The following TMEM132C variants were observed in gnomAD, a reference collection of about 807,000 sequenced individuals.
TMEM132C encodes the protein protein phosphatase 1, regulatory subunit 152.
Under a neutral mutation model 61.4 loss-of-function variants are expected in TMEM132C, and 29 were observed. The ratio of observed to expected loss-of-function variants is 0.47; its 90% CI spans 0.35 to 0.64. The LOEUF (loss-of-function observed/expected upper bound fraction) is 0.64. Ranked by LOEUF, TMEM132C falls within the 30% of genes least tolerant of loss-of-function variation. The pLI, the probability that TMEM132C is intolerant of heterozygous loss-of-function variation, is 0.00. For synonymous variants in TMEM132C, 656 were observed against 633.1 expected, an observed-to-expected ratio of 1.04 and a Z score of -0.54; for missense variants, 1,408 against 1,476.9, an observed-to-expected ratio of 0.95 and a Z score of 0.76.
chr12:128,528,559 G>C (rs1247672301), intron 2 of TMEM132C, among the ~76,000 whole-genome samples: 1 of 152,134 alleles, frequency 6.6e-6, no homozygotes, highest in East Asian at 1.9e-4. Context: ...CCTTGGAACA[G>C]AGTTTCTCAA....
At chr12:128,597,594 T>C (rs932620412) in intron 3 of TMEM132C, among the ~76,000 whole-genome samples, 1 of 152,220 alleles carries the variant, frequency 6.6e-6, no homozygotes, top group African/African-American at 2.4e-5. Flanking sequence ...TATTAACTAA[T>C]ATAGATGTGT....
chr12:128,696,063 G>A lies in TMEM132C; in HGVS notation c.1889G>A (p.Arg630Gln), dbSNP rs575727630. ...CACGTGGCCACCCTCCAGGACAGCCGGGTCCTGGTTGGGCGAGAGGTTGGG... is the reference window on the plus strand; with the variant it reads ...CACGTGGCCACCCTCCAGGACAGCCAGGTCCTGGTTGGGCGAGAGGTTGGG... ...EPHVATLQDS[R>Q]VLVGREVGMT... Residue 630 changes from arginine to glutamine, a missense_variant, in exon 7 of 9, where the codon CGG becomes CAG. Coordinates refer to ENST00000435159, the MANE Select transcript of TMEM132C (RefSeq NM_001136103.3). The A allele has an allele frequency of 1.1e-4, 176 of 1,551,696 alleles. 1 individual carries two copies. The East Asian group carries it at 3.2e-3, about 28-fold the overall frequency.
intron 2 of TMEM132C, among the ~76,000 whole-genome samples, chr12:128,500,125 C>T (rs1872110111): frequency 6.6e-6 from 1 of 152,156 alleles, no homozygotes; most frequent in Admixed American, 6.6e-5. Flanking sequence ...GACTTTTCAA[C>T]AGGTGGTCCT....
chr12:128,685,220 C>T (rs1954664635), intron 5 of TMEM132C, among the ~76,000 whole-genome samples: 2 of 152,172 alleles, frequency 1.3e-5, no homozygotes, highest in South Asian at 4.1e-4. Flanking sequence ...AGAGGGGAAG[C>T]CATGTAAAAG....
intron 1 of TMEM132C, among the ~76,000 whole-genome samples, chr12:128,348,442 C>G (rs191144614): frequency 6.6e-6 from 1 of 152,268 alleles, no homozygotes; most frequent in East Asian, 1.9e-4. Flanking sequence ...CCTAAATGCC[C>G]TAACTAGAAA....
At chr12:128,469,734 G>A (rs527853139) in intron 2 of TMEM132C, among the ~76,000 whole-genome samples, 5 of 150,486 alleles carry the variant, frequency 3.3e-5, no homozygotes, top group Non-Finnish European at 5.9e-5. Flanking sequence ...ATATATATAT[G>A]CATTTATGTG....
At chr12:128,309,618 A>C (rs1196639018) in intron 1 of TMEM132C, among the ~76,000 whole-genome samples, 1 of 151,644 alleles carries the variant, frequency 6.6e-6, no homozygotes, top group African/African-American at 2.4e-5. Context: ...AATTCACATA[A>C]ATGGAATCCT....
chr12:128,324,628 G>A lies in TMEM132C; in HGVS notation c.85+57141G>A, dbSNP rs188620949. Among the ~76,000 whole-genome samples, 3 of 152,304 alleles carry A rather than the reference G, an allele frequency of 2.0e-5. No homozygotes were observed. In the East Asian group the frequency reaches 5.8e-4, roughly 29 times the overall value. ...TAATCCCAGCACCTTGGGAGGCCGAGGCGGGACGATCACCTGAGCTCAGAA... is the reference window on the plus strand; with the variant it reads ...TAATCCCAGCACCTTGGGAGGCCGAAGCGGGACGATCACCTGAGCTCAGAA... On this transcript the variant is annotated intron_variant, in intron 1 of 8. Coordinates refer to ENST00000435159, the MANE Select transcript of TMEM132C (RefSeq NM_001136103.3).
intron 1 of TMEM132C, among the ~76,000 whole-genome samples, chr12:128,312,015 A>C (rs900664390): frequency 1.3e-5 from 2 of 152,180 alleles, no homozygotes; most frequent in African/African-American, 4.8e-5. Flanking sequence ...GGGACCCCGG[A>C]GCGGGGCTGA....
intron 5 of TMEM132C, among the ~76,000 whole-genome samples, chr12:128,673,022 G>A (rs1018160119): frequency 1.1e-4 from 17 of 152,282 alleles, no homozygotes; most frequent in Middle Eastern, 6.8e-3. Flanking sequence ...AGTTCCCACT[G>A]GCTTATGCAG....
intron 2 of TMEM132C, among the ~76,000 whole-genome samples, chr12:128,490,619 G>A (rs1343281530): frequency 1.3e-5 from 2 of 152,212 alleles, no homozygotes; most frequent in East Asian, 1.9e-4. Context: ...TTGTGGTTGT[G>A]TTAGTGTTGG....
At chr12:128,699,644 T>A (rs12812826) in intron 8 of TMEM132C, among the ~76,000 whole-genome samples, 66,319 of 152,016 alleles carry the variant, frequency 0.44, 15,286 homozygotes, top group African/African-American at 0.59. Flanking sequence ...TTTTAAGGAC[T>A]CATGTGATTT....
chr12:128,393,222 G>A (rs1053811532), intron 1 of TMEM132C, among the ~76,000 whole-genome samples: 1 of 152,116 alleles, frequency 6.6e-6, no homozygotes, highest in Admixed American at 6.5e-5. Flanking sequence ...TCCTGAAATT[G>A]CCCCCCTTGC....
At chr12:128,317,541 A>G (rs1364786583) in intron 1 of TMEM132C, among the ~76,000 whole-genome samples, 2 of 151,846 alleles carry the variant, frequency 1.3e-5, no homozygotes, top group Non-Finnish European at 2.9e-5. Context: ...CTTTTACATA[A>G]TTCCCTTAGG....
chr12:128,301,034 C>T (rs997510557), intron 1 of TMEM132C, among the ~76,000 whole-genome samples: 1 of 152,148 alleles, frequency 6.6e-6, no homozygotes, highest in Non-Finnish European at 1.5e-5. Flanking sequence ...GAGCAAGCCC[C>T]TGTCTCAAAC....
intron 1 of TMEM132C, among the ~76,000 whole-genome samples, chr12:128,311,594 C>T (rs1251514173): frequency 6.6e-6 from 1 of 152,216 alleles, no homozygotes; most frequent in Admixed American, 6.5e-5. Context: ...CAGAGGTGCG[C>T]TTAGCTCACC....
In TMEM132C at chr12:128,416,505, T is replaced by C. The variant is rs73438701; in HGVS notation, c.974+885T>C. ...TAGTTAAGAAGGAGTTAGGTTGTAA[T>C]TGCAGCTATGCTTTGGCTCTTGTTA... On this transcript the variant is annotated intron_variant, in intron 2 of 8. Coordinates refer to ENST00000435159, the MANE Select transcript of TMEM132C (RefSeq NM_001136103.3). Among the ~76,000 whole-genome samples the C allele has an allele frequency of 3.9e-3, 590 of 152,378 alleles. 3 individuals carry two copies. Among genetic ancestry groups the C allele is most frequent in the African/African-American group, 0.014 (575 of 41,584 alleles).
chr12:128,468,425 C>G (rs1302650132), intron 2 of TMEM132C, among the ~76,000 whole-genome samples: 2 of 152,108 alleles, frequency 1.3e-5, no homozygotes. Flanking sequence ...TCAAGCGATT[C>G]TTCTGCCTCA....
intron 1 of TMEM132C, among the ~76,000 whole-genome samples, chr12:128,390,031 C>A (rs905684054): frequency 6.6e-6 from 1 of 152,144 alleles, no homozygotes; most frequent in African/African-American, 2.4e-5. Flanking sequence ...GCATGCCCCA[C>A]CATGCCAAGC....
Sources: allele counts gnomAD v4.1 joint callset (sites outside exome capture counted in the v4.1 genomes callset), GRCh38; gene constraint gnomAD v4.1.1; transcripts MANE v1.5; gene names NCBI Gene and HGNC (gene_info 2026-07-23, HGNC 2026-07-21).